HPSE2: variants seen among roughly 807,000 people sequenced by gnomAD.
The protein encoded by HPSE2 is inactive heparanase-2.
In HPSE2, 38 loss-of-function variants were observed where a neutral mutation model predicts 60.5. That is an observed-to-expected ratio of 0.63 (90% CI 0.48 to 0.82). HPSE2 has a LOEUF of 0.82. HPSE2 is among the 40% of genes least tolerant of loss of function. HPSE2 has a pLI of 0.00. For synonymous variants in HPSE2, 295 were observed against 293.2 expected (o/e 1.01, Z -0.06); for missense variants, 713 against 740.4 (o/e 0.96, Z 0.43).
Position 99,153,488 on chromosome 10 carries a change from A to G in HPSE2, c.449-9089T>C, listed in dbSNP as rs1294363161. On this transcript the variant is annotated intron_variant, in intron 2 of 11. Transcript: ENST00000370552. ...AACTGGGAGGCACCCCCCAGCAGGG[A>G]CACACTGACACCTCACACGGCAGGG... 1.0e-2 allele frequency among the ~76,000 whole-genome samples: 1,514 copies of G among 151,730 alleles called. 10 individuals are homozygous for G. Among genetic ancestry groups the G allele is most frequent in the Non-Finnish European group, 0.015 (983 of 67,774 alleles).
chr10:98,820,099 A>G (rs1951390253), intron 3 of HPSE2, among the ~76,000 whole-genome samples: 1 of 152,156 alleles, frequency 6.6e-6, no homozygotes, highest in African/African-American at 2.4e-5. Flanking sequence ...GTCTTCACGT[A>G]GGAAAGTCAA....
rs1845440219 is a variant in HPSE2 at position 99,132,196 on chromosome 10, AG to A, written c.610+12041del. Reference sequence around the variant, plus strand: ...AAGAAAGAAAGAAAGAAAGAAAGAGAGAGAGAGAGAGAGAGAGAGAGAGAGA... The same window carrying A: ...AAGAAAGAAAGAAAGAAAGAAAGAGAAGAGAGAGAGAGAGAGAGAGAGAGA... On this transcript the variant is annotated intron_variant, in intron 3 of 11. Transcript: ENST00000370552. Among the ~76,000 whole-genome samples, 76 of 43,404 alleles carry A rather than the reference AG, an allele frequency of 1.8e-3. 1 individual carries two copies. The highest frequency in any genetic ancestry group is 5.1e-3 in the African/African-American group (59 of 11,658). The allele number at this position is 43,404 out of a possible 152,430, so 28.5% of individuals were successfully genotyped here. A position where few individuals can be genotyped will look rare whatever the true frequency, so the allele number is the denominator to read the frequency against.
At chr10:99,054,491 A>T (rs1032074361) in intron 3 of HPSE2, among the ~76,000 whole-genome samples, 1 of 152,184 alleles carries the variant, frequency 6.6e-6, no homozygotes, top group Non-Finnish European at 1.5e-5. Flanking sequence ...TCCACAACAG[A>T]GACACAGTTT....
chr10:98,792,890 A>T (rs775585106), intron 3 of HPSE2, among the ~76,000 whole-genome samples: 13 of 152,244 alleles, frequency 8.5e-5, no homozygotes, highest in Non-Finnish European at 1.6e-4. Context: ...GGTCAGAAGA[A>T]GATGAAATGA....
At chr10:99,003,800 T>A (rs1312737648) in intron 3 of HPSE2, among the ~76,000 whole-genome samples, 2 of 152,164 alleles carry the variant, frequency 1.3e-5, no homozygotes, top group Non-Finnish European at 2.9e-5. Flanking sequence ...TGATTTTTTT[T>A]AGCTGTGCAG....
At position 98,537,993 on chromosome 10, in the gene HPSE2, G is replaced by A. The variant is rs1034887076; in HGVS notation, c.1321-47797C>T. ...TAAGTGCAGAGAAGAAAACACTGAC[G>A]TATGCTGCCTTCTCCTCTGCTTCGG... On this transcript the variant is annotated intron_variant, in intron 9 of 11. Transcript: ENST00000370552. Among the ~76,000 whole-genome samples the A allele has an allele frequency of 2.6e-5, 4 of 152,226 alleles. No homozygotes were observed. The East Asian group carries it at 7.7e-4, about 29-fold the overall frequency.
chr10:99,190,821 TG>T (rs1171001335), intron 2 of HPSE2, among the ~76,000 whole-genome samples: 1 of 152,250 alleles, frequency 6.6e-6, no homozygotes, highest in Non-Finnish European at 1.5e-5. Flanking sequence ...GGCAGGCTCC[TG>T]GGAGTCCCCA....
intron 2 of HPSE2, among the ~76,000 whole-genome samples, chr10:99,225,567 A>T (rs1040418697): frequency 1.1e-4 from 16 of 152,106 alleles, no homozygotes; most frequent in Non-Finnish European, 4.4e-5. Flanking sequence ...CAATTTTAGG[A>T]TCTGTCTTTT....
At chr10:98,949,250 G>GCGCA (rs112802777) in intron 3 of HPSE2, among the ~76,000 whole-genome samples, 1 of 150,860 alleles carries the variant, frequency 6.6e-6, no homozygotes, top group African/African-American at 2.4e-5. Context: ...ACGCATGCGT[G>GCGCA]CACACACACA....
intron 3 of HPSE2, among the ~76,000 whole-genome samples, chr10:99,111,985 C>T (rs1844480684): frequency 1.3e-5 from 2 of 152,196 alleles, no homozygotes. Context: ...TTATCATCTA[C>T]ATATCCCTAG....
chr10:99,059,035 T>C (rs989418920), intron 3 of HPSE2, among the ~76,000 whole-genome samples: 6 of 152,250 alleles, frequency 3.9e-5, no homozygotes, highest in African/African-American at 1.4e-4. Context: ...TTATGAATAC[T>C]GAAATTTGGA....
At chr10:98,817,245 T>G (rs1951313050) in intron 3 of HPSE2, among the ~76,000 whole-genome samples, 1 of 152,228 alleles carries the variant, frequency 6.6e-6, no homozygotes, top group African/African-American at 2.4e-5. Context: ...GATTCTTTAA[T>G]TCTAAACCTT....
At chr10:99,130,485 G>T (rs934962942) in intron 3 of HPSE2, among the ~76,000 whole-genome samples, 7 of 152,102 alleles carry the variant, frequency 4.6e-5, no homozygotes, top group African/African-American at 1.4e-4. Context: ...TACACAAGTT[G>T]TTGTACCTGA....
At position 98,815,185 on chromosome 10, in the gene HPSE2, G is replaced by C. The variant is rs113730442; in HGVS notation, c.611-71129C>G. ...GTGGTCCCAGTACTCAGGAGGCTGA[G>C]GCAGGAGGATCACTGGAGCCTGAGA... On this transcript the variant is annotated intron_variant, in intron 3 of 11. Transcript: ENST00000370552. Among the ~76,000 whole-genome samples the C allele has an allele frequency of 8.2e-3, 1,245 of 152,298 alleles. 23 individuals are homozygous for C. Among genetic ancestry groups the C allele is most frequent in the African/African-American group, 0.029 (1,193 of 41,560 alleles).
intron 3 of HPSE2, among the ~76,000 whole-genome samples, chr10:98,965,926 A>G (rs890538481): frequency 6.6e-6 from 1 of 151,178 alleles, no homozygotes; most frequent in Non-Finnish European, 1.5e-5. Context: ...GCCTCACTCT[A>G]TCACCCAGGC....
At chr10:98,812,204 T>C (rs1235307123) in intron 3 of HPSE2, among the ~76,000 whole-genome samples, 2 of 152,150 alleles carry the variant, frequency 1.3e-5, no homozygotes, top group African/African-American at 4.8e-5. Flanking sequence ...TTGGTAACCG[T>C]TGCTCCATCC....
intron 9 of HPSE2, among the ~76,000 whole-genome samples, chr10:98,560,563 CTT>C (rs977575734): frequency 3.3e-5 from 5 of 152,294 alleles, no homozygotes; most frequent in African/African-American, 9.6e-5. Flanking sequence ...CCACTCAGGC[CTT>C]TTTTTCTTCA....
At position 98,608,025 on chromosome 10, in the gene HPSE2, G is replaced by A. The variant is rs116046424; in HGVS notation, c.1320+6879C>T. On this transcript the variant is annotated intron_variant, in intron 9 of 11. Coordinates refer to ENST00000370552, the MANE Select transcript of HPSE2 (RefSeq NM_021828.5). ...GTAAAAGATACATATTCATTGGCTC[G>A]TTTAATCTTTCCAACAACCCTCTGA... Among the ~76,000 whole-genome samples, 1,438 of 152,094 alleles carry A rather than the reference G, an allele frequency of 9.5e-3. 24 individuals are homozygous for A. Among genetic ancestry groups the A allele is most frequent in the African/African-American group, 0.032 (1,321 of 41,426 alleles).
chr10:98,694,888 C>A (rs1289693838), intron 5 of HPSE2, among the ~76,000 whole-genome samples: 1 of 152,164 alleles, frequency 6.6e-6, no homozygotes, highest in African/African-American at 2.4e-5. Context: ...GTCCGGACAC[C>A]CTGGTGGGGA....
Sources: gnomAD v4.1 joint callset for allele counts (sites outside exome capture counted in the v4.1 genomes callset) on GRCh38, gnomAD v4.1.1 for gene constraint, MANE v1.5 for transcripts, NCBI Gene and HGNC (gene_info 2026-07-23, HGNC 2026-07-21) for gene names.